The following PUDP variants were observed in gnomAD, a reference collection of about 807,000 sequenced individuals.
The protein encoded by PUDP is pseudouridine 5'-phosphatase.
A neutral mutation model predicts 9.4 loss-of-function variants in PUDP; 8 were observed. That is an observed-to-expected ratio of 0.85 (90% CI 0.50 to 1.53). PUDP has a LOEUF of 1.53. Ranked by LOEUF, PUDP falls within the 40% of genes most tolerant of loss-of-function variation. The pLI, the probability that PUDP is intolerant of heterozygous loss-of-function variation, is 0.00. For missense variants in PUDP, 188 were observed against 189.7 expected (o/e 0.99, Z 0.05); for synonymous variants, 99 against 80.7 (o/e 1.23, Z -1.22).
intron 1 of PUDP, among the ~76,000 whole-genome samples, chrX:7,030,214 C>T (rs571616061): frequency 7.2e-5 from 8 of 111,019 alleles, no homozygotes; most frequent in Admixed American, 4.8e-4. Flanking sequence ...AGATTCATGG[C>T]GGCCAACACA....
rs767328228 is a variant in PUDP, at chrX:7,052,338, C to T, written c.511-1866G>A. Among the ~76,000 whole-genome samples the T allele has an allele frequency of 2.7e-5, 3 of 111,635 alleles. No individual in the cohort carries two copies. The East Asian group carries it at 8.5e-4, about 32-fold the overall frequency. ...AGGTGTGTGCCACCACACCTGGCCCCCTTTGCCTTTCATTATGAAAATGTC... is the reference window on the plus strand; with the variant it reads ...AGGTGTGTGCCACCACACCTGGCCCTCTTTGCCTTTCATTATGAAAATGTC... On this transcript the variant is annotated intron_variant, in intron 3 of 3. Transcript: ENST00000381077.
chrX:7,035,309 T>C (rs1929839702), intron 1 of PUDP, among the ~76,000 whole-genome samples: 1 of 111,930 alleles, frequency 8.9e-6, no homozygotes, highest in Non-Finnish European at 1.9e-5. Flanking sequence ...TCTGCAAAAA[T>C]TAGGTTTCCT....
chrX:7,093,764 A>C (rs1020710834), intron 2 of PUDP, among the ~76,000 whole-genome samples: 1 of 111,572 alleles, frequency 9.0e-6, no homozygotes, highest in South Asian at 3.8e-4. Context: ...TCATTATCCT[A>C]TACTCCTAAA....
At chrX:7,127,583 T>C (rs1932516192) in intron 1 of PUDP, among the ~76,000 whole-genome samples, 1 of 112,467 alleles carries the variant, frequency 8.9e-6, no homozygotes, top group Non-Finnish European at 1.9e-5. Context: ...GGGAGGGAAC[T>C]GTTTTCCTTA....
intron 3 of PUDP, among the ~76,000 whole-genome samples, chrX:6,967,716 A>G (rs1218165297): frequency 2.7e-5 from 3 of 111,607 alleles, no homozygotes; most frequent in Non-Finnish European, 5.7e-5. Flanking sequence ...CCTCAGAGAA[A>G]CTAGAAGCCC....
At chrX:6,765,388 C>T (rs1925273268) in intron 3 of PUDP, among the ~76,000 whole-genome samples, 1 of 112,000 alleles carries the variant, frequency 8.9e-6, no homozygotes, top group African/African-American at 3.2e-5. Context: ...TCTAGAAAAT[C>T]GTAAAGCCTT....
chrX:6,911,736 A>C (rs1927852777), intron 3 of PUDP, among the ~76,000 whole-genome samples: 1 of 111,658 alleles, frequency 9.0e-6, no homozygotes, highest in African/African-American at 3.3e-5. Context: ...TCAAGTATTT[A>C]TTTGCTTTGT....
chrX:6,995,286 G>A (rs944391163), intron 1 of PUDP, among the ~76,000 whole-genome samples: 2 of 111,795 alleles, frequency 1.8e-5, no homozygotes, highest in Non-Finnish European at 3.8e-5. Context: ...AAAAAACCCT[G>A]TAAATGAACC....
At chrX:6,851,885 T>A (rs1926832156) in intron 3 of PUDP, among the ~76,000 whole-genome samples, 1 of 112,007 alleles carries the variant, frequency 8.9e-6, no homozygotes, top group Non-Finnish European at 1.9e-5. Flanking sequence ...TGATACCACA[T>A]CATCCCCAGA....
chrX:6,825,754 T>A (rs1312435518), intron 3 of PUDP, among the ~76,000 whole-genome samples: 2 of 110,764 alleles, frequency 1.8e-5, no homozygotes, highest in Non-Finnish European at 3.8e-5. Flanking sequence ...GTCTCTCCCA[T>A]CCTGAATGCA....
intron 3 of PUDP, among the ~76,000 whole-genome samples, chrX:6,825,103 G>A (rs753295563): frequency 3.6e-5 from 4 of 111,739 alleles, no homozygotes; most frequent in Non-Finnish European, 5.6e-5. Flanking sequence ...CATGGAGCAA[G>A]GGATTCAGCC....
intron 1 of PUDP, among the ~76,000 whole-genome samples, chrX:7,030,145 C>T (rs1929772936): frequency 9.0e-6 from 1 of 110,674 alleles, no homozygotes; most frequent in Non-Finnish European, 1.9e-5. Context: ...TCATTTTACT[C>T]TGCTATAGGA....
chrX:7,142,203 G>A (rs1932802294), intron 1 of PUDP, among the ~76,000 whole-genome samples: 1 of 112,114 alleles, frequency 8.9e-6, no homozygotes, highest in South Asian at 3.7e-4. Context: ...GATGCATCTA[G>A]GCAAAGTAAA....
intron 3 of PUDP, among the ~76,000 whole-genome samples, chrX:7,066,347 A>T (rs908411534): frequency 8.9e-6 from 1 of 111,890 alleles, no homozygotes; most frequent in African/African-American, 3.3e-5. Context: ...AAAAAAATAC[A>T]TGTTTTAGAG....
intron 3 of PUDP, among the ~76,000 whole-genome samples, chrX:6,970,155 T>C (rs1218423759): frequency 8.9e-6 from 1 of 111,937 alleles, no homozygotes. Context: ...TCCAAAGAAA[T>C]ATAGCAATAA....
At chrX:7,094,481 C>T (rs1239007906) in intron 2 of PUDP, among the ~76,000 whole-genome samples, 2 of 109,529 alleles carry the variant, frequency 1.8e-5, no homozygotes, top group Non-Finnish European at 3.8e-5. Context: ...CTCAGCCTCC[C>T]AAGTAGCTGG....
chrX:6,996,630 G>GTA (rs1276344512), intron 1 of PUDP, among the ~76,000 whole-genome samples: 3 of 104,389 alleles, frequency 2.9e-5, no homozygotes, highest in East Asian at 3.0e-4. Context: ...ATATGTGTGT[G>GTA]TATATATATA....
intron 3 of PUDP, among the ~76,000 whole-genome samples, chrX:6,926,922 CTTTTTTTTTT>C (rs61299123): frequency 3.0e-5 from 2 of 66,855 alleles, no homozygotes; most frequent in Non-Finnish European, 5.3e-5. Context: ...GAGACAATTC[CTTTTTTTTTT>C]TTTTTTTTTT....
At chrX:7,124,976 T>C (rs1344400257) in intron 1 of PUDP, among the ~76,000 whole-genome samples, 5 of 109,501 alleles carry the variant, frequency 4.6e-5, no homozygotes, top group African/African-American at 1.7e-4. Context: ...GCTATCTTTT[T>C]GTTTTTCCCT....
Sources: allele counts gnomAD v4.1 joint callset (sites outside exome capture counted in the v4.1 genomes callset), GRCh38; gene constraint gnomAD v4.1.1; transcripts MANE v1.5; gene names NCBI Gene and HGNC (gene_info 2026-07-23, HGNC 2026-07-21).